Variants in OCA2 observed in about 807,000 individuals in gnomAD.
OCA2 encodes the protein OCA2 melanosomal transmembrane protein, also known as P protein.
OCA2 carries 77 observed loss-of-function variants against 100.2 expected under a neutral mutation model. That is an observed-to-expected ratio of 0.77 (90% CI 0.64 to 0.93). OCA2 has a LOEUF of 0.93. Ranked by LOEUF, OCA2 falls within the 40% of genes least tolerant of loss-of-function variation. The probability of loss-of-function intolerance (pLI) is 0.00; values close to 1 mark genes in which losing one functional copy is unlikely to be tolerated. For synonymous variants in OCA2, 432 were observed against 439.2 expected (o/e 0.98, Z 0.21); for missense variants, 1,062 against 1,089.1 (o/e 0.98, Z 0.35).
At chr15:28,055,288 C>T (rs775588726) in intron 2 of OCA2, among the ~76,000 whole-genome samples, 25 of 152,178 alleles carry the variant, frequency 1.6e-4, no homozygotes, top group Non-Finnish European at 3.1e-4. Flanking sequence ...TCTCGTCTTT[C>T]GTGTTTCTCT....
At chr15:27,851,327 C>A in intron 22 of OCA2, 55 bp downstream of exon 22, 6 of 1,425,720 alleles carry the variant, frequency 4.2e-6, no homozygotes, top group Non-Finnish European at 5.9e-6. Context: ...TTGCTTTGGG[C>A]TGAACCACAG....
intron 9 of OCA2, among the ~76,000 whole-genome samples, chr15:28,009,169 G>A (rs2042168017): frequency 6.6e-6 from 1 of 152,154 alleles, no homozygotes; most frequent in African/African-American, 2.4e-5. Flanking sequence ...ACATAAGGTA[G>A]AACATACTAT....
Position 28,014,909 on chromosome 15 carries a change from A to C in OCA2, c.911T>G (p.Ile304Ser), listed in dbSNP as rs752701632. The C allele has an allele frequency of 1.2e-6, 2 of 1,614,148 alleles. No homozygotes were observed. Among genetic ancestry groups the C allele is most frequent in the Non-Finnish European group, 1.7e-6 (2 of 1,180,028 alleles). Residue 304 changes from isoleucine to serine, a missense_variant, in exon 9 of 24, where the codon ATC becomes AGC. Physicochemically the swap from Ile to Ser is moderately radical, Grantham distance 142 (BLOSUM62 -2). Coordinates refer to ENST00000354638, the MANE Select transcript of OCA2 (RefSeq NM_000275.3). ...CTGGGTCTGCTGCAGGGAGGCCCGG[A>C]TGCTGATGGACACCGTCTCTCTGCA... ...VLTRETVSIS[I>S]RASLQQTQAV...
intron 1 of OCA2, among the ~76,000 whole-genome samples, chr15:28,097,981 G>T (rs1195765856): frequency 6.6e-6 from 1 of 152,152 alleles, no homozygotes; most frequent in African/African-American, 2.4e-5. Flanking sequence ...GGGGACCCAG[G>T]TGACACAGGT....
chr15:27,801,686 T>A (rs1181428020), intron 23 of OCA2, among the ~76,000 whole-genome samples: 4 of 147,130 alleles, frequency 2.7e-5, no homozygotes, highest in African/African-American at 7.6e-5. Flanking sequence ...ACTAAAAAAA[T>A]ATATATTTTT....
At chr15:27,890,068 T>C (rs1360739783) in intron 19 of OCA2, among the ~76,000 whole-genome samples, 4 of 152,190 alleles carry the variant, frequency 2.6e-5, no homozygotes, top group African/African-American at 9.7e-5. Flanking sequence ...CTTCTTGATA[T>C]GCACTCAATA....
intron 23 of OCA2, among the ~76,000 whole-genome samples, chr15:27,803,164 C>T (rs1236974363): frequency 2.0e-5 from 3 of 151,018 alleles, no homozygotes; most frequent in Non-Finnish European, 1.5e-5. Context: ...CCCAACATCA[C>T]TACTTAGCAG....
intron 2 of OCA2, among the ~76,000 whole-genome samples, chr15:28,070,474 A>G (rs374253672): frequency 0.091 from 9,633 of 106,024 alleles, 874 homozygotes; most frequent in African/African-American, 0.17. Flanking sequence ...CCAGCCGCCC[A>G]GTCCGGGAGG....
intron 1 of OCA2, among the ~76,000 whole-genome samples, chr15:28,086,652 T>C (rs1429673037): frequency 6.6e-6 from 1 of 152,168 alleles, no homozygotes; most frequent in Non-Finnish European, 1.5e-5. Context: ...ATGGAGATGT[T>C]AGAATTATCT....
At chr15:27,812,060 C>T (rs1332263993) in intron 23 of OCA2, among the ~76,000 whole-genome samples, 4 of 152,064 alleles carry the variant, frequency 2.6e-5, no homozygotes, top group Admixed American at 6.6e-5. Context: ...CCATAAATAA[C>T]GTCCACAAAA....
the OCA2 span, among the ~76,000 whole-genome samples, chr15:27,738,759 A>G: frequency 6.6e-6 from 1 of 151,662 alleles, no homozygotes; most frequent in Non-Finnish European, 1.5e-5. Flanking sequence ...CAACTAACCT[A>G]CGGAGCTAAA....
intron 6 of OCA2, among the ~76,000 whole-genome samples, chr15:28,021,962 T>G (rs766021538): frequency 6.6e-6 from 1 of 152,100 alleles, no homozygotes; most frequent in Non-Finnish European, 1.5e-5. Flanking sequence ...CTCACTAGAT[T>G]TACATGAACC....
intron 23 of OCA2, among the ~76,000 whole-genome samples, chr15:27,826,814 G>A (rs1553110): frequency 0.14 from 21,761 of 152,268 alleles, 2,322 homozygotes; most frequent in East Asian, 0.54. Context: ...ATTAAACACC[G>A]GAGTGCGGGA....
chr15:27,912,360 A>G (rs1192716081), intron 19 of OCA2, among the ~76,000 whole-genome samples: 3 of 152,204 alleles, frequency 2.0e-5, no homozygotes, highest in African/African-American at 7.2e-5. Flanking sequence ...TTCCAGGGCA[A>G]GAGCAGGCAA....
At chr15:27,981,533 A>C (rs1002813357) in intron 14 of OCA2, among the ~76,000 whole-genome samples, 2 of 152,258 alleles carry the variant, frequency 1.3e-5, no homozygotes, top group African/African-American at 4.8e-5. Context: ...AGGTGGAAGC[A>C]GAGCAGTGTT....
chr15:27,954,193 G>A (rs1432653250), intron 17 of OCA2, among the ~76,000 whole-genome samples: 2 of 151,206 alleles, frequency 1.3e-5, no homozygotes, highest in African/African-American at 4.9e-5. Context: ...TCTTAGATGT[G>A]ATACAGGGAT....
chr15:27,782,623 T>A (rs913155216), intron 23 of OCA2, among the ~76,000 whole-genome samples: 5 of 152,240 alleles, frequency 3.3e-5, no homozygotes, highest in Non-Finnish European at 7.3e-5. Context: ...ATGTGTATCT[T>A]GAAGGGTCAT....
At chr15:27,875,863 G>A (rs1427946359) in intron 19 of OCA2, among the ~76,000 whole-genome samples, 2 of 151,772 alleles carry the variant, frequency 1.3e-5, no homozygotes, top group African/African-American at 4.8e-5. Context: ...TACTGATCTT[G>A]TATCTTCTGA....
intron 18 of OCA2, among the ~76,000 whole-genome samples, chr15:27,929,831 T>TTTTTTTTTTTTTTTTTTTTTTAG: frequency 6.6e-6 from 1 of 150,940 alleles, no homozygotes; most frequent in Middle Eastern, 3.4e-3. Context: ...GGAAATATTT[T>TTTTTTTTTTTTTTTTTTTTTTAG]AAACAGACAC....
Sources: gnomAD v4.1 joint callset for allele counts (sites outside exome capture counted in the v4.1 genomes callset) on GRCh38, gnomAD v4.1.1 for gene constraint, MANE v1.5 for transcripts, NCBI Gene and HGNC (gene_info 2026-07-23, HGNC 2026-07-21) for gene names.